The following GNA12 variants were observed in gnomAD, a reference collection of about 807,000 sequenced individuals.
GNA12 encodes the protein guanine nucleotide-binding protein subunit alpha-12.
GNA12 carries 9 observed loss-of-function variants against 26.0 expected under a neutral mutation model. That is an observed-to-expected ratio of 0.35 (90% CI 0.21 to 0.60). The LOEUF is 0.60. GNA12 is among the 20% of genes least tolerant of loss of function. The pLI is 0.78. For synonymous variants in GNA12, 264 were observed against 219.6 expected, an observed-to-expected ratio of 1.20 and a Z score of -1.79; for missense variants, 405 against 525.8, an observed-to-expected ratio of 0.77 and a Z score of 2.25.
At chr7:2,751,719 G>C (rs1408575102) in intron 2 of GNA12, among the ~76,000 whole-genome samples, 1 of 152,210 alleles carries the variant, frequency 6.6e-6, no homozygotes, top group Non-Finnish European at 1.5e-5. Flanking sequence ...GGTATTAAGA[G>C]AATGTTCCAA....
intron 1 of GNA12, among the ~76,000 whole-genome samples, chr7:2,801,653 G>GT (rs2115467478): frequency 6.6e-6 from 1 of 152,022 alleles, no homozygotes; most frequent in South Asian, 2.1e-4. Context: ...TAGTAGTTTT[G>GT]TAAGCTTTGT....
intron 2 of GNA12, among the ~76,000 whole-genome samples, chr7:2,776,899 G>A (rs1344716163): frequency 6.6e-6 from 1 of 152,184 alleles, no homozygotes; most frequent in Non-Finnish European, 1.5e-5. Context: ...GCAGTGAGCT[G>A]TGACTGTGCA....
chr7:2,842,606 C>A (rs1779028464), intron 1 of GNA12, among the ~76,000 whole-genome samples: 2 of 152,170 alleles, frequency 1.3e-5, no homozygotes, highest in Admixed American at 1.3e-4. Context: ...CCGACTTCTA[C>A]AGCTTCTTTC....
intron 1 of GNA12, among the ~76,000 whole-genome samples, chr7:2,840,135 T>C (rs1008404273): frequency 1.3e-5 from 2 of 152,126 alleles, no homozygotes; most frequent in Admixed American, 1.3e-4. Flanking sequence ...AATATCCTGG[T>C]TGTAAGATTG....
At chr7:2,812,797 G>A (rs1036154545) in intron 1 of GNA12, among the ~76,000 whole-genome samples, 5 of 152,268 alleles carry the variant, frequency 3.3e-5, no homozygotes, top group African/African-American at 1.2e-4. Flanking sequence ...CTCAGCATCT[G>A]TCTAGATGCC....
At chr7:2,814,463 C>A in intron 1 of GNA12, 1 of 860,430 alleles carries the variant, frequency 1.2e-6, no homozygotes, top group South Asian at 1.4e-5. Flanking sequence ...AAGCCCTGCT[C>A]AAGCTTCTCC....
intron 1 of GNA12, among the ~76,000 whole-genome samples, chr7:2,822,181 C>T (rs1793384183): frequency 1.3e-5 from 2 of 152,240 alleles, no homozygotes; most frequent in Non-Finnish European, 2.9e-5. Flanking sequence ...AATTCTGAAG[C>T]TTCTGTGGGA....
chr7:2,738,085 T>G (rs1790298683), intron 2 of GNA12, among the ~76,000 whole-genome samples: 1 of 152,136 alleles, frequency 6.6e-6, no homozygotes, highest in African/African-American at 2.4e-5. Flanking sequence ...AGTTTTAATT[T>G]GGGTACCTAT....
intron 1 of GNA12, among the ~76,000 whole-genome samples, chr7:2,819,990 G>A (rs1038571256): frequency 2.0e-5 from 3 of 152,280 alleles, no homozygotes; most frequent in African/African-American, 7.2e-5. Context: ...CACTGACTGA[G>A]GCACGGATAA....
In GNA12 at chr7:2,731,134, C is replaced by G; in HGVS notation, c.*47G>C. 2.3e-6 allele frequency: 3 copies of G among 1,315,228 alleles called. No individual in the cohort carries two copies. The highest frequency in any genetic ancestry group is 3.2e-6 in the Non-Finnish European group (3 of 931,846). The allele number at this position is 1,315,228 out of a possible 1,614,324, so 81.5% of individuals were successfully genotyped here. On this transcript the variant is annotated 3_prime_UTR_variant, in exon 4 of 4. Transcript: ENST00000275364. This position sits in a 1 kb window ranked among gnomAD's most constrained non-coding sequence, Gnocchi z 6.0. ...AACACACACCCAAGAGTCTGACCGA[C>G]AGCCGTGGGGGCTGCTCAACGACGA...
Position 2,746,387 on chromosome 7 carries a change from T to C in GNA12, c.526-12886A>G, listed in dbSNP as rs374705237. ...AAGAAATCAAAACCGCTCAACTACA[T>C]GGAAACTGAACAACCTGCTCCTAAA... is the stretch of plus-strand genomic sequence containing the variant. On this transcript the variant is annotated intron_variant, in intron 2 of 3. Transcript: ENST00000275364. 4.6e-5 allele frequency among the ~76,000 whole-genome samples: 7 copies of C among 152,098 alleles called. No homozygotes were observed. The East Asian group carries it at 5.8e-4, about 13-fold the overall frequency.
At chr7:2,772,666 A>G (rs1202564716) in intron 2 of GNA12, among the ~76,000 whole-genome samples, 4 of 152,230 alleles carry the variant, frequency 2.6e-5, no homozygotes, top group Admixed American at 2.6e-4. Flanking sequence ...CTTAAAATCA[A>G]GAGGACAATG....
chr7:2,781,316 A>G (rs1792221599), intron 2 of GNA12, among the ~76,000 whole-genome samples: 1 of 152,128 alleles, frequency 6.6e-6, no homozygotes, highest in African/African-American at 2.4e-5. Context: ...TCTCTCATAT[A>G]TATGTGTATA....
intron 1 of GNA12, among the ~76,000 whole-genome samples, chr7:2,805,796 A>G (rs531936189): frequency 1.7e-4 from 26 of 152,358 alleles, no homozygotes; most frequent in African/African-American, 5.8e-4. Context: ...CTTGAGTCTA[A>G]TATCTCCAGA....
At chr7:2,788,089 G>A (rs1376081334) in intron 2 of GNA12, among the ~76,000 whole-genome samples, 2 of 152,160 alleles carry the variant, frequency 1.3e-5, no homozygotes, top group Non-Finnish European at 2.9e-5. Flanking sequence ...AGGAGGCAGA[G>A]GTTGCAGTGA....
At chr7:2,794,620 A>G (rs549100104) in intron 2 of GNA12, 3 of 348,548 alleles carry the variant, frequency 8.6e-6, no homozygotes, top group South Asian at 3.1e-5. Context: ...ATTTCCTACT[A>G]TGAACAAGAT....
chr7:2,786,863 T>C (rs1448392099), intron 2 of GNA12, among the ~76,000 whole-genome samples: 2 of 152,106 alleles, frequency 1.3e-5, no homozygotes, highest in South Asian at 4.1e-4. Context: ...GAAGGAACGA[T>C]GGGTGATGGC....
At position 2,733,512 on chromosome 7, in the gene GNA12, G is replaced by A. The variant is rs746118650; in HGVS notation, c.526-11C>T. The A allele has an allele frequency of 2.5e-6, 4 of 1,610,740 alleles. No homozygotes were observed. The highest frequency in any genetic ancestry group is 2.7e-5 in the African/African-American group (2 of 74,860). On this transcript the variant is annotated splice_polypyrimidine_tract_variant and intron_variant, in intron 2 of 3. Coordinates refer to ENST00000275364, the MANE Select transcript of GNA12 (RefSeq NM_007353.3). ...CTTCACCGACTCCCCCTGTCAGGAA[G>A]GAAGAATATTCACAGCTCAGTCTGG...
chr7:2,785,001 A>G (rs541903583), intron 2 of GNA12, among the ~76,000 whole-genome samples: 1 of 152,342 alleles, frequency 6.6e-6, no homozygotes, highest in African/African-American at 2.4e-5. Flanking sequence ...TCTATGTTAA[A>G]ATACTTAACA....
Sources: allele counts gnomAD v4.1 joint callset (sites outside exome capture counted in the v4.1 genomes callset), GRCh38; gene constraint gnomAD v4.1.1; non-coding constraint Gnocchi (gnomAD v3.1); transcripts MANE v1.5; gene names NCBI Gene and HGNC (gene_info 2026-07-23, HGNC 2026-07-21).